SYTL5: variants seen among roughly 807,000 people sequenced by gnomAD.
SYTL5 encodes synaptotagmin like 5.
In SYTL5, 34 loss-of-function variants were observed where a neutral mutation model predicts 55.9. That is an observed-to-expected ratio of 0.61 (90% CI 0.46 to 0.81). SYTL5 has a LOEUF of 0.81. SYTL5 is among the 30% of genes least tolerant of loss of function. The pLI is 0.00. For synonymous variants in SYTL5, 221 were observed against 188.7 expected (o/e 1.17, Z -1.40); for missense variants, 637 against 546.7 (o/e 1.17, Z -1.65).
intron 6 of SYTL5, among the ~76,000 whole-genome samples, chrX:38,078,424 C>A (rs1936443814): frequency 9.1e-6 from 1 of 110,333 alleles, no homozygotes. Flanking sequence ...CCACGCCCAG[C>A]TAATTTTTTG....
At chrX:38,041,124 A>T (rs5918457) in intron 2 of SYTL5, among the ~76,000 whole-genome samples, 26,212 of 110,553 alleles carry the variant, frequency 0.24, 2,829 homozygotes, top group Non-Finnish European at 0.33. Context: ...TGATTTTGTC[A>T]TTTCAGTGCT....
rs934134033 is a variant in SYTL5 at position 38,127,079 on chromosome X, A to G, written c.*349A>G. The G allele has an allele frequency of 3.6e-5, 5 of 139,034 alleles. No individual in the cohort carries two copies. The highest frequency in any genetic ancestry group is 1.6e-4 in the African/African-American group (5 of 31,876). The allele number at this position is 139,034 out of a possible 1,213,427, so 11.5% of individuals were successfully genotyped here. On this transcript the variant is annotated 3_prime_UTR_variant, in exon 17 of 17. Coordinates refer to ENST00000297875, the MANE Select transcript of SYTL5 (RefSeq NM_138780.3). Reference sequence around the variant, plus strand: ...ACTTTAGATTTCCTCAAATCCTTTGAAGAGAAAGAGGACCACTGAGAAGGT... The same window carrying G: ...ACTTTAGATTTCCTCAAATCCTTTGGAGAGAAAGAGGACCACTGAGAAGGT...
At chrX:37,895,505 T>TTTCTTTCTTTC in the SYTL5 span, among the ~76,000 whole-genome samples, 2,909 of 99,219 alleles carry the variant, frequency 0.029, 79 homozygotes, top group Middle Eastern at 0.059. Context: ...TCTTTCTTTC[T>TTTCTTTCTTTC]TTTTCTTTTC....
chrX:38,060,225 G>C (rs1935906471), intron 3 of SYTL5, among the ~76,000 whole-genome samples: 2 of 111,765 alleles, frequency 1.8e-5, no homozygotes, highest in South Asian at 3.7e-4. Flanking sequence ...ATAACTAGAG[G>C]CCTAAGTCAC....
the SYTL5 span, chrX:37,990,934 T>A: frequency 1.7e-6 from 2 of 1,211,877 alleles, no homozygotes; most frequent in African/African-American, 3.5e-5. Flanking sequence ...AGGAGCTTCG[T>A]GGACCGCGTT....
chrX:37,935,481 TA>T, the SYTL5 span, among the ~76,000 whole-genome samples: 1 of 112,569 alleles, frequency 8.9e-6, no homozygotes, highest in South Asian at 3.6e-4. Flanking sequence ...TTTTTCTTTT[TA>T]ACTGTTTTTT....
the SYTL5 span, among the ~76,000 whole-genome samples, chrX:37,968,183 G>A: frequency 1.6e-4 from 18 of 110,460 alleles, no homozygotes; most frequent in Non-Finnish European, 3.2e-4. Flanking sequence ...ATATTTTCCT[G>A]TGTCTTCATT....
the SYTL5 span, among the ~76,000 whole-genome samples, chrX:37,915,653 G>T: frequency 8.9e-6 from 1 of 111,832 alleles, no homozygotes; most frequent in Non-Finnish European, 1.9e-5. Flanking sequence ...GACAGTCACG[G>T]GTACTGCTAA....
At chrX:38,003,775 A>G (rs936900401), upstream of SYTL5, among the ~76,000 whole-genome samples, 6 of 112,138 alleles carry the variant, frequency 5.4e-5, no homozygotes, top group African/African-American at 6.5e-5. Flanking sequence ...ACTGTTCTCT[A>G]GAGTGGTTGT....
the SYTL5 span, among the ~76,000 whole-genome samples, chrX:37,909,815 C>T: frequency 9.1e-6 from 1 of 110,393 alleles, no homozygotes; most frequent in Non-Finnish European, 1.9e-5. Context: ...GCTGGGATTA[C>T]AGGCACCTGC....
the SYTL5 span, chrX:37,939,713 A>G: frequency 1.8e-5 from 2 of 112,425 alleles, no homozygotes; most frequent in South Asian, 3.7e-4. Flanking sequence ...CATTTCCAAA[A>G]CTGTGTCTAA....
chrX:37,975,178 C>A, the SYTL5 span, among the ~76,000 whole-genome samples: 3 of 112,096 alleles, frequency 2.7e-5, no homozygotes, highest in Non-Finnish European at 5.6e-5. Context: ...GGAAACAGAG[C>A]AGAACATACA....
At chrX:38,032,382 A>G (rs1359208805) in intron 1 of SYTL5, among the ~76,000 whole-genome samples, 2 of 111,858 alleles carry the variant, frequency 1.8e-5, no homozygotes, top group Non-Finnish European at 3.8e-5. Context: ...GATGAGAGTC[A>G]GGGCCTGGTG....
At chrX:37,894,388 T>C in the SYTL5 span, among the ~76,000 whole-genome samples, 1 of 111,375 alleles carries the variant, frequency 9.0e-6, no homozygotes, top group Non-Finnish European at 1.9e-5. Flanking sequence ...TCCAAAGGAG[T>C]GGAAGTGTAC....
chrX:37,968,112 A>G, the SYTL5 span, among the ~76,000 whole-genome samples: 4,976 of 110,157 alleles, frequency 0.045, 120 homozygotes, highest in Non-Finnish European at 0.064. Flanking sequence ...ATGTAAGGTA[A>G]ATCAAATATC....
At chrX:38,053,010 C>A (rs1935666623) in intron 2 of SYTL5, among the ~76,000 whole-genome samples, 1 of 112,252 alleles carries the variant, frequency 8.9e-6, no homozygotes, top group Admixed American at 9.5e-5. Context: ...ATGTTAGAAT[C>A]TGTGGAAGTG....
chrX:37,967,544 G>T, the SYTL5 span, among the ~76,000 whole-genome samples: 1 of 111,060 alleles, frequency 9.0e-6, no homozygotes, highest in African/African-American at 3.3e-5. Flanking sequence ...GATTTTCTGC[G>T]TTCATCTTAT....
chrX:37,932,750 G>C, the SYTL5 span, among the ~76,000 whole-genome samples: 1 of 112,196 alleles, frequency 8.9e-6, no homozygotes, highest in Non-Finnish European at 1.9e-5. Context: ...GGGCTCAGCA[G>C]GACAAATTTC....
intron 5 of SYTL5, among the ~76,000 whole-genome samples, chrX:38,073,987 G>A (rs1378141450): frequency 3.3e-4 from 37 of 111,715 alleles, no homozygotes; most frequent in Non-Finnish European, 1.9e-4. Flanking sequence ...AAAGTTTCAT[G>A]CCAGGATCAG....
Sources: allele counts gnomAD v4.1 joint callset (sites outside exome capture counted in the v4.1 genomes callset), GRCh38; gene constraint gnomAD v4.1.1; transcripts MANE v1.5; gene names NCBI Gene and HGNC (gene_info 2026-07-23, HGNC 2026-07-21).